The following UBAP2L variants were observed in gnomAD, a reference collection of about 807,000 sequenced individuals.
The protein encoded by UBAP2L is ubiquitin-associated protein 2-like.
Under a neutral mutation model 130.6 loss-of-function variants are expected in UBAP2L, and 12 were observed. The ratio of observed to expected loss-of-function variants is 0.09; its 90% CI spans 0.06 to 0.15. The LOEUF (loss-of-function observed/expected upper bound fraction) is 0.15, where lower values mean the gene tolerates loss of function less well. Ranked by LOEUF, UBAP2L falls within the 10% of genes least tolerant of loss-of-function variation. The pLI, the probability that UBAP2L is intolerant of heterozygous loss-of-function variation, is 1.00. For synonymous variants in UBAP2L, 503 were observed against 524.7 expected, an observed-to-expected ratio of 0.96 and a Z score of 0.57; for missense variants, 965 against 1,332.5, an observed-to-expected ratio of 0.72 and a Z score of 4.29.
At chr1:154,235,318 T>C (rs774040771) in intron 6 of UBAP2L, 27 bp downstream of exon 6, 10 of 739,382 alleles carry the variant, frequency 1.4e-5, no homozygotes, top group East Asian at 4.9e-5. Flanking sequence ...GGGATGGATA[T>C]TGGGGGCAGG....
intron 9 of UBAP2L, chr1:154,242,878 G>A (rs1674024937): frequency 6.3e-6 from 1 of 157,964 alleles, no homozygotes; most frequent in African/African-American, 2.4e-5. Flanking sequence ...GGTTTGGGAA[G>A]AGGTGGGAGT....
At chr1:154,259,382 C>T (rs970157687) in intron 21 of UBAP2L, among the ~76,000 whole-genome samples, 15 of 151,736 alleles carry the variant, frequency 9.9e-5, no homozygotes, top group African/African-American at 3.4e-4. Flanking sequence ...TTAGTAGAGG[C>T]GGGGTTTCAC....
chr1:154,267,880 C>CTTTTTTTTTTTTTTGTT (rs1683774505), intron 25 of UBAP2L, among the ~76,000 whole-genome samples: 1 of 52,056 alleles, frequency 1.9e-5, no homozygotes, highest in Non-Finnish European at 3.6e-5. Flanking sequence ...CTTATTTGGT[C>CTTTTTTTTTTTTTTGTT]TTTTTTTTTT....
At chr1:154,236,666 G>A in intron 7 of UBAP2L, 55 bp downstream of exon 7, 2 of 1,595,876 alleles carry the variant, frequency 1.3e-6, no homozygotes, top group Non-Finnish European at 1.7e-6. Flanking sequence ...ATTACTGTAG[G>A]CAGCCTTAAC....
intron 12 of UBAP2L, 100 bp from the exon 13 acceptor site, chr1:154,250,941 G>C: frequency 7.7e-7 from 1 of 1,299,480 alleles, no homozygotes; most frequent in South Asian, 1.5e-5. Flanking sequence ...ATGAGTTTCT[G>C]ATTTTTACAG....
chr1:154,252,227 G>T (rs948781063), intron 14 of UBAP2L, among the ~76,000 whole-genome samples: 1 of 150,186 alleles, frequency 6.7e-6, no homozygotes, highest in Non-Finnish European at 1.5e-5. Flanking sequence ...TACCCACCTC[G>T]GCCTCCCAAA....
At chr1:154,270,013 A>G (rs1346090392) in intron 26 of UBAP2L, among the ~76,000 whole-genome samples, 187 bp from the exon 27 acceptor site, 1 of 152,112 alleles carries the variant, frequency 6.6e-6, no homozygotes, top group Non-Finnish European at 1.5e-5. Context: ...TTAAAAGTCA[A>G]AAATGCCTTC....
intron 1 of UBAP2L, among the ~76,000 whole-genome samples, chr1:154,224,684 G>T (rs1036651161): frequency 1.3e-5 from 2 of 152,204 alleles, no homozygotes; most frequent in Non-Finnish European, 2.9e-5. Context: ...TCTCTGGAGT[G>T]TAGACTAATC....
At chr1:154,232,958 G>A (rs912960782) in intron 4 of UBAP2L, among the ~76,000 whole-genome samples, 1 of 151,952 alleles carries the variant, frequency 6.6e-6, no homozygotes, top group Non-Finnish European at 1.5e-5. Context: ...TTGATCTCTC[G>A]ACCTCCCAAA....
In UBAP2L at chr1:154,270,413, C is replaced by T. The variant is rs766243274; in HGVS notation, c.*118C>T. 4.0e-6 allele frequency: 6 copies of T among 1,510,244 alleles called. No individual in the cohort carries two copies. The highest frequency in any genetic ancestry group is 2.8e-5 in the African/African-American group (2 of 72,534). 93.6% of individuals were successfully genotyped at this position (1,510,244 alleles called of 1,614,324 possible). On this transcript the variant is annotated 3_prime_UTR_variant, in exon 27 of 27. Coordinates refer to ENST00000428931, the MANE Select transcript of UBAP2L (RefSeq NM_014847.4). Reference sequence around the variant, plus strand: ...GGTTTCCGCTGCCCCCCACCCCCAGCGGCCCACCCCATGCCTCAGCTTCAT... The same window carrying T: ...GGTTTCCGCTGCCCCCCACCCCCAGTGGCCCACCCCATGCCTCAGCTTCAT...
At chr1:154,257,492 A>G in intron 20 of UBAP2L, 58 bp downstream of exon 20, 2 of 1,591,922 alleles carry the variant, frequency 1.3e-6, no homozygotes, top group East Asian at 4.5e-5. Context: ...TACTCTTTTT[A>G]TAGCTCTGGC....
intron 26 of UBAP2L, chr1:154,269,366 C>T (rs1297660423): frequency 4.5e-6 from 6 of 1,321,814 alleles, no homozygotes; most frequent in Non-Finnish European, 6.0e-6. Flanking sequence ...CCTCAGCTAC[C>T]ATATTTGCAG....
At chr1:154,227,397 A>C in intron 3 of UBAP2L, 38 bp downstream of exon 3, 1 of 1,552,212 alleles carries the variant, frequency 6.4e-7, no homozygotes, top group South Asian at 1.1e-5. Context: ...CTATGAGAAA[A>C]GATACCAGTA....
At chr1:154,234,262 C>G (rs1670888979) in intron 4 of UBAP2L, among the ~76,000 whole-genome samples, 2 of 152,072 alleles carry the variant, frequency 1.3e-5, no homozygotes, top group Admixed American at 1.3e-4. Context: ...ACTTGAGAGA[C>G]TGAGGCACGA....
At chr1:154,260,442 A>T (rs1194601) in intron 22 of UBAP2L, among the ~76,000 whole-genome samples, 7,409 of 152,252 alleles carry the variant, frequency 0.049, 624 homozygotes, top group African/African-American at 0.17. Context: ...CTGCCCCTTT[A>T]TGCTACTACT....
chr1:154,238,355 C>T (rs1672362143), intron 8 of UBAP2L, among the ~76,000 whole-genome samples: 1 of 152,186 alleles, frequency 6.6e-6, no homozygotes, highest in Admixed American at 6.5e-5. Context: ...TCATTCATCT[C>T]TTGATGGCTT....
At chr1:154,234,853 ATTATATTATCCTTTTGCTTTTC>A in intron 5 of UBAP2L, 94 bp downstream of exon 5, 2 of 1,504,944 alleles carry the variant, frequency 1.3e-6, no homozygotes, top group Non-Finnish European at 9.0e-7. Context: ...CCTAGGAACC[ATTATATTATCCTTTTGCTTTTC>A]TTGCCGTCGT....
chr1:154,259,719 T>C (rs943077405), intron 21 of UBAP2L: 2 of 672,310 alleles, frequency 3.0e-6, no homozygotes, highest in Non-Finnish European at 5.4e-6. Context: ...TTTGATGTAT[T>C]CTCAAGTGGG....
chr1:154,236,595 T>C lies in UBAP2L; in HGVS notation c.574T>C (p.Ser192Pro), dbSNP rs1671762173. ...CTCTGGTAGGCGAGGAGGAAGGTTT[T>C]CTGCTCAAGGAATGGGGTAAGTTTC... ...GGSGRRGGRF[S>P]AQGMGTFNPA... The change falls in exon 7 of 27, where the codon TCT becomes CCT. Residue 192 changes from serine to proline, a missense_variant. Ser to Pro is a moderately conservative substitution (Grantham distance 74). This residue lies in a region of UBAP2L where 109 missense variants were observed against 146.6 expected (regional missense o/e 0.74). Transcript: ENST00000428931. The C allele has an allele frequency of 6.2e-7, 1 of 1,614,050 alleles. No individual in the cohort carries two copies. Among genetic ancestry groups the C allele is most frequent in the Non-Finnish European group, 8.5e-7 (1 of 1,180,036 alleles).
Sources: allele counts gnomAD v4.1 joint callset (sites outside exome capture counted in the v4.1 genomes callset), GRCh38; gene constraint gnomAD v4.1.1; regional missense constraint gnomAD v4.1.1; transcripts MANE v1.5; gene names NCBI Gene and HGNC (gene_info 2026-07-23, HGNC 2026-07-21).